The following SPATA18 variants were observed in gnomAD, a reference collection of about 807,000 sequenced individuals.
SPATA18 encodes mitochondria-eating protein.
In SPATA18, 54 loss-of-function variants were observed where a neutral mutation model predicts 68.1. That is an observed-to-expected ratio of 0.79 (90% CI 0.64 to 0.99). The LOEUF (loss-of-function observed/expected upper bound fraction) is 0.99. SPATA18 is among the 50% of genes least tolerant of loss of function. The pLI is 0.00. For synonymous variants in SPATA18, 242 were observed against 244.8 expected (o/e 0.99, Z 0.11); for missense variants, 724 against 681.1 (o/e 1.06, Z -0.70).
chr4:52,052,422 C>T (rs1014650688), intron 1 of SPATA18, among the ~76,000 whole-genome samples: 5 of 152,176 alleles, frequency 3.3e-5, no homozygotes, highest in African/African-American at 9.7e-5. Flanking sequence ...TGTCACCAAA[C>T]CCATGAGCAC....
At chr4:52,066,429 C>T (rs1366350976) in intron 4 of SPATA18, among the ~76,000 whole-genome samples, 1 of 152,162 alleles carries the variant, frequency 6.6e-6, no homozygotes, top group African/African-American at 2.4e-5. Context: ...GGATTACAGG[C>T]GTGAGCCACG....
At chr4:52,082,783 A>G in intron 10 of SPATA18, 1 of 1,245,120 alleles carries the variant, frequency 8.0e-7, no homozygotes, top group Non-Finnish European at 1.0e-6. Context: ...TAGAATTATT[A>G]TAATATTTTA....
At chr4:52,056,891 T>C (rs1359396732) in intron 1 of SPATA18, among the ~76,000 whole-genome samples, 1 of 152,172 alleles carries the variant, frequency 6.6e-6, no homozygotes, top group Non-Finnish European at 1.5e-5. Flanking sequence ...AACATTTTGA[T>C]GATGGAATAA....
At chr4:52,069,991 A>T in intron 5 of SPATA18, 75 bp downstream of exon 5, 1 of 878,158 alleles carries the variant, frequency 1.1e-6, no homozygotes, top group Admixed American at 2.7e-5. Context: ...TTACAACATG[A>T]AAGAATCTGT....
Position 52,078,730 on chromosome 4 carries a change from T to C in SPATA18, c.1021-5T>C. On this transcript the variant is annotated splice_region_variant and splice_polypyrimidine_tract_variant and intron_variant, in intron 7 of 12. Transcript: ENST00000295213. Reference sequence around the variant, plus strand: ...CAAATAAATTTGCTGCATTTTTATGTGCAGGAGGCATTCCATGTAGCAAAA... The same window carrying C: ...CAAATAAATTTGCTGCATTTTTATGCGCAGGAGGCATTCCATGTAGCAAAA... 6.4e-7 allele frequency: 1 copy of C among 1,564,120 alleles called. No homozygotes were observed. The highest frequency in any genetic ancestry group is 1.3e-5 in the African/African-American group (1 of 74,342).
At chr4:52,091,184 C>G (rs1039741164) in intron 11 of SPATA18, among the ~76,000 whole-genome samples, 1 of 152,076 alleles carries the variant, frequency 6.6e-6, no homozygotes, top group East Asian at 1.9e-4. Context: ...GTTAGCAATT[C>G]GACTAACCTT....
At position 52,071,972 on chromosome 4, in the gene SPATA18, A is replaced by G. The variant is rs761383607; in HGVS notation, c.574A>G (p.Ser192Gly). The G allele has an allele frequency of 1.6e-5, 26 of 1,613,820 alleles. No individual in the cohort carries two copies. In the South Asian group the frequency reaches 2.6e-4, roughly 16 times the overall value. ...CCGCCACAGAAACACAGATCAGAGGAGCTCAGAGAATAGGCGGTCAGAGCC... is the reference window on the plus strand; with the variant it reads ...CCGCCACAGAAACACAGATCAGAGGGGCTCAGAGAATAGGCGGTCAGAGCC... ...DARHRNTDQR[S>G]SENRRSEPWS... is the part of the protein sequence containing the mutation. Residue 192 changes from serine to glycine, a missense_variant, in exon 6 of 13, where the codon AGC (serine) becomes GGC (glycine). Physicochemically the swap from Ser to Gly is moderately conservative, Grantham distance 56. Coordinates refer to ENST00000295213, the MANE Select transcript of SPATA18 (RefSeq NM_145263.4).
intron 9 of SPATA18, among the ~76,000 whole-genome samples, chr4:52,081,913 G>C (rs1740954304): frequency 6.6e-6 from 1 of 152,142 alleles, no homozygotes; most frequent in South Asian, 2.1e-4. Context: ...CTTATCATGG[G>C]ATTGAGAGAG....
intron 3 of SPATA18, among the ~76,000 whole-genome samples, chr4:52,061,312 G>A (rs551140091): frequency 6.6e-6 from 1 of 152,112 alleles, no homozygotes; most frequent in South Asian, 2.1e-4. Context: ...ACACAGCAGG[G>A]CCTGTTGGGG....
Position 52,095,490 on chromosome 4 carries a change from G to C in SPATA18, c.*603G>C, listed in dbSNP as rs1742347488. The C allele has an allele frequency of 6.6e-6, 1 of 152,058 alleles. No homozygotes were observed. The highest frequency in any genetic ancestry group is 2.4e-5 in the African/African-American group (1 of 41,372). The allele number at this position is 152,058 out of a possible 1,614,324, so 9.4% of individuals were successfully genotyped here. ...GCCAACAAATTATATTTATTGGTTGGCTTGCTTTTCCGTTCTGATTTTGAG... is the reference window on the plus strand; with the variant it reads ...GCCAACAAATTATATTTATTGGTTGCCTTGCTTTTCCGTTCTGATTTTGAG... On this transcript the variant is annotated 3_prime_UTR_variant, in exon 13 of 13. Transcript: ENST00000295213.
intron 3 of SPATA18, 109 bp from the exon 4 acceptor site, chr4:52,062,111 G>C (rs773661264): frequency 1.5e-5 from 10 of 652,506 alleles, no homozygotes; most frequent in Non-Finnish European, 2.7e-5. Flanking sequence ...TGTGCATGGA[G>C]CCGTGCATAA....
At chr4:52,085,522 A>G (rs1741340665) in intron 11 of SPATA18, among the ~76,000 whole-genome samples, 1 of 152,180 alleles carries the variant, frequency 6.6e-6, no homozygotes, top group African/African-American at 2.4e-5. Context: ...TAAAGAAAAA[A>G]ATAACAGCAA....
chr4:52,083,437 A>C (rs1475206436), intron 10 of SPATA18: 1 of 985,312 alleles, frequency 1.0e-6, no homozygotes, highest in Non-Finnish European at 1.2e-6. Context: ...TACTATCTTA[A>C]AATGTTTTGT....
At chr4:52,069,319 A>G (rs989013861) in intron 4 of SPATA18, among the ~76,000 whole-genome samples, 2 of 152,232 alleles carry the variant, frequency 1.3e-5, no homozygotes, top group African/African-American at 4.8e-5. Context: ...AGGCAGGAAG[A>G]CATGAAGTAC....
chr4:52,093,273 A>G (rs1345705732), intron 11 of SPATA18, among the ~76,000 whole-genome samples: 3 of 152,226 alleles, frequency 2.0e-5, no homozygotes, highest in Non-Finnish European at 4.4e-5. Context: ...AGAAAGGGCT[A>G]GAGTCATCAG....
At chr4:52,091,404 G>GT (rs1741936522) in intron 11 of SPATA18, among the ~76,000 whole-genome samples, 1 of 152,160 alleles carries the variant, frequency 6.6e-6, no homozygotes, top group Non-Finnish European at 1.5e-5. Context: ...TTTTGTGCTG[G>GT]TTTTTCCCCA....
intron 11 of SPATA18, among the ~76,000 whole-genome samples, chr4:52,085,859 G>A (rs1226424090): frequency 2.0e-5 from 3 of 152,060 alleles, no homozygotes; most frequent in East Asian, 1.9e-4. Context: ...GCAGTTAGCC[G>A]TGATTGTACC....
chr4:52,095,221 G>A lies in SPATA18; in HGVS notation c.*334G>A. 5.8e-6 allele frequency: 2 copies of A among 346,480 alleles called. No homozygotes were observed. The highest frequency in any genetic ancestry group is 1.0e-5 in the Non-Finnish European group (2 of 192,374). 21.5% of individuals were successfully genotyped at this position (346,480 alleles called of 1,614,324 possible). A position where few individuals can be genotyped will look rare whatever the true frequency, so the allele number is the denominator to read the frequency against. On this transcript the variant is annotated 3_prime_UTR_variant, in exon 13 of 13. Transcript: ENST00000295213. The stretch of plus-strand genomic sequence containing the variant: ...CTACGCTCTTTTATGGGAACTGTGT[G>A]AACTGAAGTGGAAAGCATCTACCAT...
At chr4:52,077,125 T>C in intron 7 of SPATA18, 85 bp downstream of exon 7, 2 of 1,430,634 alleles carry the variant, frequency 1.4e-6, no homozygotes, top group Non-Finnish European at 1.9e-6. Flanking sequence ...TTACAAAGAC[T>C]AGTGGATCCT....
Sources: allele counts gnomAD v4.1 joint callset (sites outside exome capture counted in the v4.1 genomes callset), GRCh38; gene constraint gnomAD v4.1.1; transcripts MANE v1.5; gene names NCBI Gene and HGNC (gene_info 2026-07-23, HGNC 2026-07-21).